Variants in NEB observed in about 807,000 individuals in gnomAD.
NEB encodes nebulin, also known as nemaline myopathy type 2.
NEB carries 512 observed loss-of-function variants against 952.2 expected under a neutral mutation model. The ratio of observed to expected loss-of-function variants is 0.54; its 90% confidence interval spans 0.50 to 0.58. NEB has a LOEUF of 0.58. Among genes scored for constraint, NEB ranks in the 20% least tolerant of loss-of-function variants. NEB has a pLI of 0.00. For synonymous variants in NEB, 2,900 were observed against 3,149.8 expected (o/e 0.92, Z 2.66); for missense variants, 8,428 against 9,231.1 (o/e 0.91, Z 3.56).
At chr2:151,705,461 T>A (rs1244602098) in intron 13 of NEB, among the ~76,000 whole-genome samples, 1 of 152,206 alleles carries the variant, frequency 6.6e-6, no homozygotes, top group African/African-American at 2.4e-5. Context: ...TCAAACTGCT[T>A]TTACACTATG....
Position 151,658,098 on chromosome 2 carries a change from G to A in NEB, c.6076-8C>T. On this transcript the variant is annotated splice_polypyrimidine_tract_variant and splice_region_variant and intron_variant, in intron 47 of 181. Coordinates refer to ENST00000397345, the MANE Select transcript of NEB (RefSeq NM_001164508.2). ...GGAAAGTTTGTAGAGTTTCTGTAAA[G>A]AGAGGCAAAGGGAAGAGTTTTCTTC... The A allele has an allele frequency of 6.5e-7, 1 of 1,544,452 alleles. No homozygotes were observed. The highest frequency in any genetic ancestry group is 8.9e-7 in the Non-Finnish European group (1 of 1,124,350).
chr2:151,665,648 G>T, intron 41 of NEB, 109 bp from the exon 42 acceptor site: 1 of 918,518 alleles, frequency 1.1e-6, no homozygotes, highest in Non-Finnish European at 1.6e-6. Flanking sequence ...GGGAGGGGGA[G>T]AATAATCTGC....
chr2:151,505,762 CGCTTT>C (rs2068333851), intron 164 of NEB, among the ~76,000 whole-genome samples, 192 bp from the exon 165 acceptor site: 2 of 152,132 alleles, frequency 1.3e-5, no homozygotes, highest in Non-Finnish European at 2.9e-5. Flanking sequence ...AGGACAGGGA[CGCTTT>C]GTCTCTCTCT....
intron 13 of NEB, among the ~76,000 whole-genome samples, chr2:151,704,057 T>G (rs1193887524): frequency 2.8e-4 from 24 of 87,162 alleles, no homozygotes; most frequent in African/African-American, 1.0e-3. Flanking sequence ...GTCCTTTCTG[T>G]TTGTTAGTTT....
chr2:151,507,112 T>A, intron 162 of NEB, 99 bp from the exon 163 acceptor site: 2 of 741,836 alleles, frequency 2.7e-6, no homozygotes, highest in Non-Finnish European at 4.5e-6. Flanking sequence ...CCTGTATCTT[T>A]AAAAAAAAGT....
rs147020028 is a variant in NEB, at chr2:151,530,693, G to A, written c.21630+301C>T. ...GGCCACATGAAGGGGTTCCTGTCTC[G>A]TCTACACAATAGCCCAGCTCCCAGC... is the stretch of plus-strand genomic sequence containing the variant. On this transcript the variant is annotated intron_variant, in intron 145 of 181. Transcript: ENST00000397345. 185 of 261,686 alleles carry A rather than the reference G, an allele frequency of 7.1e-4. 2 individuals are homozygous for A. In the East Asian group the frequency reaches 0.013, roughly 18 times the overall value. 16.2% of individuals were successfully genotyped at this position (261,686 alleles called of 1,614,324 possible).
intron 20 of NEB, among the ~76,000 whole-genome samples, chr2:151,693,425 C>T (rs369449864): frequency 2.0e-5 from 3 of 151,962 alleles, no homozygotes; most frequent in Non-Finnish European, 2.9e-5. Flanking sequence ...CCGCCTCCCC[C>T]ACCCCCAGCC....
In NEB at chr2:151,656,395, G is replaced by A. The variant is rs1237566117; in HGVS notation, c.6253C>T (p.Pro2085Ser). 1 of 1,613,464 alleles carries A rather than the reference G, an allele frequency of 6.2e-7. No homozygotes were observed. Among genetic ancestry groups the A allele is most frequent in the East Asian group, 2.2e-5 (1 of 44,882 alleles). The change falls in exon 49 of 182, where the codon CCC (proline) becomes TCC (serine). Residue 2085 changes from proline to serine, a missense_variant. Physicochemically the swap from Pro to Ser is moderately conservative, Grantham distance 74. Around this residue, in one of 11 missense-constraint regions of NEB, gnomAD observed 2,851 missense variants for 2,791.5 expected, o/e 1.02. Transcript: ENST00000397345. ...ACTTGCATGGAATGGACTAATTTGG[G>A]ATCATCCTCGAGACTGCGGAAACCA... ...MVGFRSLEDD[P>S]KLVHSMQVAK... is the part of the protein sequence containing the mutation.
chr2:151,663,819 T>G lies in NEB; in HGVS notation c.5492A>C (p.His1831Pro). ...ATCTTCCAGGCTCCGGAAGCCAATG[T>G]GTTTCCCTTTGGCTTGTTCATAGGC... ...KKAYEQAKGKHIGFRSLEDDP... is the reference protein window; with the variant it reads ...KKAYEQAKGKPIGFRSLEDDP... The change falls in exon 45 of 182, where the codon CAC (histidine) becomes CCC (proline). Residue 1831 changes from histidine (H) to proline (P), a missense_variant. This residue lies in a region of NEB where 2,851 missense variants were observed against 2,791.5 expected (regional missense o/e 1.02). Transcript: ENST00000397345. 1 of 1,613,838 alleles carries G rather than the reference T, an allele frequency of 6.2e-7. No individual in the cohort carries two copies. Among genetic ancestry groups the G allele is most frequent in the Non-Finnish European group, 8.5e-7 (1 of 1,179,756 alleles).
intron 161 of NEB, among the ~76,000 whole-genome samples, chr2:151,511,372 T>C (rs1018199283): frequency 1.3e-5 from 2 of 152,240 alleles, no homozygotes; most frequent in Non-Finnish European, 2.9e-5. Context: ...ATTTTTCATG[T>C]GTAATTTTAC....
intron 10 of NEB, among the ~76,000 whole-genome samples, chr2:151,711,163 A>T (rs2099744028): frequency 1.3e-5 from 2 of 152,196 alleles, no homozygotes; most frequent in South Asian, 4.1e-4. Context: ...TCAGAACCCA[A>T]CACAAAATGC....
At chr2:151,728,108 G>C (rs2099796421) in intron 4 of NEB, among the ~76,000 whole-genome samples, 3 of 152,272 alleles carry the variant, frequency 2.0e-5, no homozygotes, top group Non-Finnish European at 2.9e-5. Flanking sequence ...GCTGATTGTT[G>C]GGATTGCGTG....
At chr2:151,563,762 A>G in intron 118 of NEB, 43 bp from the exon 119 acceptor site, 1 of 1,604,796 alleles carries the variant, frequency 6.2e-7, no homozygotes, top group Non-Finnish European at 8.5e-7. Flanking sequence ...GAGTTTCCTA[A>G]CCAGCCCCTT....
At chr2:151,695,962 C>A (rs905945581) in intron 17 of NEB, among the ~76,000 whole-genome samples, 1 of 152,178 alleles carries the variant, frequency 6.6e-6, no homozygotes, top group Admixed American at 6.5e-5. Context: ...TGAGAGGGGC[C>A]CCGCCCTGTC....
chr2:151,674,039 T>C (rs1350713090), intron 36 of NEB, among the ~76,000 whole-genome samples: 6 of 152,228 alleles, frequency 3.9e-5, no homozygotes, highest in African/African-American at 1.4e-4. Context: ...TTTACATGAA[T>C]CAAAATTATA....
At position 151,548,292 on chromosome 2, in the gene NEB, A is replaced by G. The variant is rs760036898; in HGVS notation, c.20157+16T>C. ...TGAAACTCAATATGTCTCTTGGAGA[A>G]TCAGCATTCAGGTACCTCGCTGGTA... On this transcript the variant is annotated intron_variant, in intron 131 of 181. Coordinates refer to ENST00000397345, the MANE Select transcript of NEB (RefSeq NM_001164508.2). The G allele has an allele frequency of 1.9e-6, 3 of 1,576,284 alleles. No homozygotes were observed. The South Asian group carries it at 3.3e-5, about 17-fold the overall frequency.
At chr2:151,697,719 T>G in intron 13 of NEB, 71 bp from the exon 14 acceptor site, 1 of 956,794 alleles carries the variant, frequency 1.0e-6, no homozygotes, top group Non-Finnish European at 1.6e-6. Flanking sequence ...ACTTACATTT[T>G]CTAACACTAA....
At position 151,503,446 on chromosome 2, in the gene NEB, A is replaced by T; in HGVS notation, c.23743-5T>A. ...CAAGTTTTCTTTGTACATAACCTGT[A>T]GAAAATAATTAGAATACCCAGAAAG... On this transcript the variant is annotated splice_region_variant and splice_polypyrimidine_tract_variant and intron_variant, in intron 165 of 181. Transcript: ENST00000397345. 2 of 1,583,246 alleles carry T rather than the reference A, an allele frequency of 1.3e-6. No homozygotes were observed. The highest frequency in any genetic ancestry group is 1.7e-6 in the Non-Finnish European group (2 of 1,152,354).
chr2:151,578,803 T>G (rs1431670715), intron 105 of NEB, among the ~76,000 whole-genome samples: 2 of 150,856 alleles, frequency 1.3e-5, no homozygotes, highest in African/African-American at 4.9e-5. Context: ...CGGGCAAGGC[T>G]GGGCATGGTG....
Sources: allele counts gnomAD v4.1 joint callset (sites outside exome capture counted in the v4.1 genomes callset), GRCh38; gene constraint gnomAD v4.1.1; regional missense constraint gnomAD v4.1.1; transcripts MANE v1.5; gene names NCBI Gene and HGNC (gene_info 2026-07-23, HGNC 2026-07-21).